The following L3MBTL4 variants were observed in gnomAD, a reference collection of about 807,000 sequenced individuals.
L3MBTL4 encodes the protein L3MBTL histone methyl-lysine binding protein 4.
L3MBTL4 carries 70 observed loss-of-function variants against 84.5 expected under a neutral mutation model. The ratio of observed to expected loss-of-function variants is 0.83; its 90% CI spans 0.68 to 1.01. The LOEUF is 1.01. L3MBTL4 is among the 50% of genes least tolerant of loss of function. The probability of loss-of-function intolerance (pLI) is 0.00; values close to 1 mark genes in which losing one functional copy is unlikely to be tolerated. For synonymous variants in L3MBTL4, 274 were observed against 259.8 expected (o/e 1.05, Z -0.52); for missense variants, 715 against 754.8 (o/e 0.95, Z 0.62).
intron 16 of L3MBTL4, chr18:6,046,747 C>T (rs977190711): frequency 1.3e-6 from 1 of 775,420 alleles, no homozygotes; most frequent in South Asian, 1.4e-5. Flanking sequence ...TGGGATGCAG[C>T]ACAAGCACTG....
At chr18:6,145,934 T>C (rs1449950949) in intron 13 of L3MBTL4, among the ~76,000 whole-genome samples, 1 of 152,144 alleles carries the variant, frequency 6.6e-6, no homozygotes, top group African/African-American at 2.4e-5. Context: ...GTTAGGCAGA[T>C]ACATGAAGTG....
At chr18:6,224,707 A>G (rs1033361137) in intron 10 of L3MBTL4, among the ~76,000 whole-genome samples, 3 of 152,142 alleles carry the variant, frequency 2.0e-5, no homozygotes, top group African/African-American at 7.2e-5. Context: ...AAACTGACCC[A>G]AGAGTCCTAG....
chr18:6,028,385 A>G (rs1424505174), intron 16 of L3MBTL4, among the ~76,000 whole-genome samples: 2 of 152,148 alleles, frequency 1.3e-5, no homozygotes, highest in African/African-American at 4.8e-5. Context: ...GCTCTGTTCC[A>G]TCAGACCTTA....
Position 6,388,832 on chromosome 18 carries a change from A to G in L3MBTL4, c.-91+25969T>C, listed in dbSNP as rs149485892. ...CTGGGTCCTTCCAAACAGGCTACTA[A>G]GGCCCCAACACATGCAACAGAGCAG... On this transcript the variant is annotated intron_variant, in intron 1 of 18. Transcript: ENST00000317931. Among the ~76,000 whole-genome samples the G allele has an allele frequency of 4.5e-4, 68 of 152,288 alleles. 2 individuals are homozygous for G. In the East Asian group the frequency reaches 0.01, roughly 23 times the overall value.
At chr18:6,390,376 C>T (rs1325532393) in intron 1 of L3MBTL4, among the ~76,000 whole-genome samples, 1 of 152,020 alleles carries the variant, frequency 6.6e-6, no homozygotes, top group Non-Finnish European at 1.5e-5. Flanking sequence ...ATCAAAAAGT[C>T]TGAAAGTTCA....
chr18:6,115,482 A>G (rs1205767642), intron 14 of L3MBTL4, among the ~76,000 whole-genome samples: 2 of 152,334 alleles, frequency 1.3e-5, no homozygotes, highest in East Asian at 3.9e-4. Context: ...AACTGGACAC[A>G]TGATTCTACC....
intron 1 of L3MBTL4, among the ~76,000 whole-genome samples, chr18:6,376,940 A>G (rs2054393932): frequency 6.6e-6 from 1 of 152,190 alleles, no homozygotes; most frequent in Non-Finnish European, 1.5e-5. Context: ...ACAAAAGGTG[A>G]TACACAGTGC....
intron 8 of L3MBTL4, among the ~76,000 whole-genome samples, 159 bp downstream of exon 8, chr18:6,241,199 A>T (rs1039528275): frequency 1.3e-5 from 2 of 152,234 alleles, no homozygotes; most frequent in African/African-American, 2.4e-5. Flanking sequence ...AAACCAAGAT[A>T]TGCCCACAAG....
intron 1 of L3MBTL4, among the ~76,000 whole-genome samples, chr18:6,364,108 A>C (rs2053831434): frequency 6.6e-6 from 1 of 152,060 alleles, no homozygotes; most frequent in Admixed American, 6.6e-5. Flanking sequence ...CTTATACTTC[A>C]ACCAACACAA....
At chr18:6,349,816 G>T (rs901560279) in intron 1 of L3MBTL4, among the ~76,000 whole-genome samples, 1 of 152,118 alleles carries the variant, frequency 6.6e-6, no homozygotes, top group African/African-American at 2.4e-5. Flanking sequence ...TGGTGGGAGG[G>T]GCTTTGGGAG....
Position 6,297,104 on chromosome 18 carries a change from G to A in L3MBTL4, c.127+4799C>T, listed in dbSNP as rs79689535. On this transcript the variant is annotated intron_variant, in intron 4 of 18. Coordinates refer to ENST00000317931, the MANE Select transcript of L3MBTL4 (RefSeq NM_001330559.2). ...TTCCATCAATTAACACAATATTAGT[G>A]ATTATCCATGAGGCGCTGGTGAGCT... 1.0e-3 allele frequency among the ~76,000 whole-genome samples: 159 copies of A among 152,256 alleles called. 6 individuals carry two copies. In the East Asian group the frequency reaches 0.028, roughly 26 times the overall value.
At chr18:5,958,571 T>C (rs1181417197) in intron 18 of L3MBTL4, among the ~76,000 whole-genome samples, 1 of 152,184 alleles carries the variant, frequency 6.6e-6, no homozygotes, top group Non-Finnish European at 1.5e-5. Flanking sequence ...CCCTGTAATA[T>C]AGGTGAGGAA....
In L3MBTL4 at chr18:5,956,251, T is replaced by C. The variant is rs777289734; in HGVS notation, c.1814A>G (p.Asp605Gly). ...CCTGACTTCTTGGCCTGAGGCAATA[T>C]CTTCTTCAGGGAGTTCCTGGGAATG... The part of the protein sequence containing the change: ...FRHSQELPEE[D>G]IASGQEVRG Residue 605 changes from aspartate (D) to glycine (G), a missense_variant, in exon 19 of 19, where the codon GAT becomes GGT. Coordinates refer to ENST00000317931, the MANE Select transcript of L3MBTL4 (RefSeq NM_001330559.2). 47 of 1,613,884 alleles carry C rather than the reference T, an allele frequency of 2.9e-5. No individual in the cohort carries two copies. Among genetic ancestry groups the C allele is most frequent in the Non-Finnish European group, 3.7e-5 (44 of 1,179,972 alleles).
chr18:6,320,506 C>T (rs2051348401), intron 1 of L3MBTL4, among the ~76,000 whole-genome samples: 1 of 151,654 alleles, frequency 6.6e-6, no homozygotes, highest in Admixed American at 6.6e-5. Flanking sequence ...AAATCAGGAA[C>T]CCAAACGCCT....
rs188806492 is a variant in L3MBTL4 at position 6,022,321 on chromosome 18, C to T, written c.1445-52759G>A. Among the ~76,000 whole-genome samples the T allele has an allele frequency of 9.9e-5, 15 of 152,266 alleles. No homozygotes were observed. In the South Asian group the frequency reaches 2.1e-3, roughly 21 times the overall value. ...GCTGTGCTTCTGTGTCTATGACCAC[C>T]GTTCTGCTCAAACCTTCACCTCCTT... On this transcript the variant is annotated intron_variant, in intron 16 of 18. Coordinates refer to ENST00000317931, the MANE Select transcript of L3MBTL4 (RefSeq NM_001330559.2).
intron 18 of L3MBTL4, among the ~76,000 whole-genome samples, chr18:5,958,522 C>T (rs1599562301): frequency 6.6e-6 from 1 of 152,112 alleles, no homozygotes; most frequent in African/African-American, 2.4e-5. Flanking sequence ...ATTTATGGAG[C>T]TACAGTAATC....
intron 1 of L3MBTL4, among the ~76,000 whole-genome samples, chr18:6,350,858 G>A (rs1389239813): frequency 6.6e-6 from 1 of 152,126 alleles, no homozygotes; most frequent in East Asian, 1.9e-4. Context: ...TAAAGAAAAT[G>A]TAGTATAAAC....
intron 16 of L3MBTL4, among the ~76,000 whole-genome samples, chr18:6,033,675 AT>A (rs1389400193): frequency 7.2e-5 from 11 of 152,140 alleles, no homozygotes; most frequent in Non-Finnish European, 1.6e-4. Flanking sequence ...TTGTAATGAA[AT>A]GTTGCAAAAA....
At chr18:6,390,413 C>T (rs752379548) in intron 1 of L3MBTL4, among the ~76,000 whole-genome samples, 3 of 151,978 alleles carry the variant, frequency 2.0e-5, no homozygotes, top group African/African-American at 7.2e-5. Flanking sequence ...TGTCACACTT[C>T]AGGGAACTAG....
Sources: allele counts gnomAD v4.1 joint callset (sites outside exome capture counted in the v4.1 genomes callset), GRCh38; gene constraint gnomAD v4.1.1; transcripts MANE v1.5; gene names NCBI Gene and HGNC (gene_info 2026-07-23, HGNC 2026-07-21).